Variants in NR1H4 observed in about 807,000 individuals in gnomAD.
NR1H4 encodes nuclear receptor subfamily 1 group H member 4, also known as bile acid receptor.
NR1H4 carries 23 observed loss-of-function variants against 58.5 expected under a neutral mutation model. The ratio of observed to expected loss-of-function variants is 0.39; its 90% confidence interval spans 0.28 to 0.56. The LOEUF is 0.56. NR1H4 is among the 20% of genes least tolerant of loss of function. NR1H4 has a pLI of 0.58. For missense variants in NR1H4, 487 were observed against 576.9 expected (o/e 0.84, Z 1.60); for synonymous variants, 214 against 198.0 (o/e 1.08, Z -0.68).
chr12:100,477,368 T>C (rs914977965), intron 1 of NR1H4, among the ~76,000 whole-genome samples: 18 of 152,034 alleles, frequency 1.2e-4, no homozygotes, highest in African/African-American at 4.1e-4. Flanking sequence ...AAAATAAATT[T>C]TTATTAATTT....
At chr12:100,515,166 T>G (rs1418514661) in intron 4 of NR1H4, among the ~76,000 whole-genome samples, 1 of 107,010 alleles carries the variant, frequency 9.3e-6, no homozygotes, top group Non-Finnish European at 1.7e-5. Context: ...TTGTCAAAGC[T>G]TTTTTTTTTT....
intron 4 of NR1H4, among the ~76,000 whole-genome samples, chr12:100,522,913 T>C (rs534934366): frequency 7.2e-4 from 110 of 152,326 alleles, no homozygotes; most frequent in Middle Eastern, 3.4e-3. Flanking sequence ...TGAATGGTAT[T>C]CCATGGTGTA....
chr12:100,546,167 C>G (rs1955065214), intron 9 of NR1H4, among the ~76,000 whole-genome samples: 1 of 152,262 alleles, frequency 6.6e-6, no homozygotes, highest in Non-Finnish European at 1.5e-5. Context: ...TGTGGGCTGT[C>G]TTTAAGGGTG....
At chr12:100,520,902 T>C (rs1954399597) in intron 4 of NR1H4, among the ~76,000 whole-genome samples, 1 of 152,192 alleles carries the variant, frequency 6.6e-6, no homozygotes, top group Non-Finnish European at 1.5e-5. Context: ...GCAGAAGATA[T>C]AAAGCTAGCG....
intron 9 of NR1H4, among the ~76,000 whole-genome samples, chr12:100,543,150 G>T (rs1954976509): frequency 6.6e-6 from 1 of 152,124 alleles, no homozygotes; most frequent in Non-Finnish European, 1.5e-5. Flanking sequence ...GGAGCAAAGA[G>T]AAAGAGGCAA....
At chr12:100,551,286 T>C (rs939752238) in intron 9 of NR1H4, among the ~76,000 whole-genome samples, 3 of 152,234 alleles carry the variant, frequency 2.0e-5, no homozygotes, top group African/African-American at 7.2e-5. Context: ...TAGCCCTTAA[T>C]AGTACCATAC....
At chr12:100,552,149 A>G (rs1394760419) in intron 9 of NR1H4, among the ~76,000 whole-genome samples, 2 of 152,186 alleles carry the variant, frequency 1.3e-5, no homozygotes, top group Admixed American at 6.5e-5. Context: ...TGCCTGACAC[A>G]TAGCAGGAAT....
chr12:100,516,620 C>T (rs1426166993), intron 4 of NR1H4, among the ~76,000 whole-genome samples: 1 of 152,116 alleles, frequency 6.6e-6, no homozygotes, highest in Non-Finnish European at 1.5e-5. Context: ...CCCGCCTCGG[C>T]CTCCCAAAGT....
intron 1 of NR1H4, among the ~76,000 whole-genome samples, chr12:100,481,862 C>T (rs1002650307): frequency 1.3e-5 from 2 of 151,536 alleles, no homozygotes; most frequent in South Asian, 2.1e-4. Flanking sequence ...TGCAGTGAGC[C>T]GAGATGGCAC....
chr12:100,515,561 A>G (rs1446511412), intron 4 of NR1H4, among the ~76,000 whole-genome samples: 1 of 152,144 alleles, frequency 6.6e-6, no homozygotes, highest in Admixed American at 6.5e-5. Flanking sequence ...TCAGTATAAG[A>G]TGATCATAGA....
At chr12:100,528,248 G>T (rs993113488) in intron 4 of NR1H4, among the ~76,000 whole-genome samples, 1 of 152,144 alleles carries the variant, frequency 6.6e-6, no homozygotes, top group African/African-American at 2.4e-5. Context: ...GGTGTGGTAT[G>T]TGGCTTCTAC....
At chr12:100,475,102 C>T (rs1352988133) in intron 1 of NR1H4, among the ~76,000 whole-genome samples, 2 of 146,238 alleles carry the variant, frequency 1.4e-5, no homozygotes, top group South Asian at 2.2e-4. Context: ...ATATGTCAGT[C>T]ACACCTCAGT....
chr12:100,499,040 C>A (rs1009272691), intron 3 of NR1H4, among the ~76,000 whole-genome samples: 5 of 152,188 alleles, frequency 3.3e-5, no homozygotes, highest in Non-Finnish European at 7.3e-5. Flanking sequence ...AAGCAATCCT[C>A]CCTCCTCAGC....
chr12:100,540,618 G>C lies in NR1H4; in HGVS notation c.932-54G>C, dbSNP rs1954912621. The C allele has an allele frequency of 5.1e-6, 8 of 1,566,762 alleles. No individual in the cohort carries two copies. In the South Asian group the frequency reaches 5.6e-5, roughly 11 times the overall value. ...ATGTTTTATCAATGGCAATGATGGTGATCATGAAATATTGTTACTCCTTGA... is the reference window on the plus strand; with the variant it reads ...ATGTTTTATCAATGGCAATGATGGTCATCATGAAATATTGTTACTCCTTGA... On this transcript the variant is annotated intron_variant, in intron 8 of 10. Transcript: ENST00000392986.
chr12:100,554,654 C>T (rs1273990653), intron 9 of NR1H4, among the ~76,000 whole-genome samples: 1 of 152,106 alleles, frequency 6.6e-6, no homozygotes, highest in Non-Finnish European at 1.5e-5. Flanking sequence ...CATTTTCAGA[C>T]TTTTCCATGG....
At chr12:100,562,151 T>A (rs1417633132) in intron 10 of NR1H4, among the ~76,000 whole-genome samples, 153 bp downstream of exon 10, 1 of 152,218 alleles carries the variant, frequency 6.6e-6, no homozygotes, top group Non-Finnish European at 1.5e-5. Flanking sequence ...TATTAACCTT[T>A]CAGTGCACTT....
intron 3 of NR1H4, among the ~76,000 whole-genome samples, chr12:100,493,853 T>A (rs903407286): frequency 9.9e-5 from 15 of 152,152 alleles, no homozygotes; most frequent in African/African-American, 3.6e-4. Flanking sequence ...TGGCACAGTG[T>A]CAGGATTAGT....
At chr12:100,532,174 A>G (rs61941828) in intron 4 of NR1H4, among the ~76,000 whole-genome samples, 2,016 of 152,318 alleles carry the variant, frequency 0.013, 20 homozygotes, top group Non-Finnish European at 0.022. Context: ...TTGTCCCCCA[A>G]TAAAGATCTA....
chr12:100,522,586 C>T lies in NR1H4; in HGVS notation c.446-9872C>T, dbSNP rs1445234716. 9.2e-5 allele frequency among the ~76,000 whole-genome samples: 14 copies of T among 151,386 alleles called. No homozygotes were observed. In the East Asian group the frequency reaches 1.9e-3, roughly 21 times the overall value. ...TTTCAATAGCTTTTGGGGGTACAGT[C>T]GTACAAATGGTTTTTTGTTACATGA... On this transcript the variant is annotated intron_variant, in intron 4 of 10. Coordinates refer to ENST00000392986, the MANE Select transcript of NR1H4 (RefSeq NM_001206979.2).
Sources: gnomAD v4.1 joint callset for allele counts (sites outside exome capture counted in the v4.1 genomes callset) on GRCh38, gnomAD v4.1.1 for gene constraint, MANE v1.5 for transcripts, NCBI Gene and HGNC (gene_info 2026-07-23, HGNC 2026-07-21) for gene names.